MUC7: variants seen among roughly 807,000 people sequenced by gnomAD.
MUC7 encodes the protein mucin-7.
A neutral mutation model predicts 2.5 loss-of-function variants in MUC7; 2 were observed. The observed-to-expected ratio is 0.81, with a 90% confidence interval of 0.33 to 2.55. The LOEUF (loss-of-function observed/expected upper bound fraction) is 2.55. Among genes scored for constraint, MUC7 ranks in the 30% most tolerant of loss-of-function variants. The probability of loss-of-function intolerance (pLI) is 0.11; values close to 1 mark genes in which losing one functional copy is unlikely to be tolerated. For missense variants in MUC7, 408 were observed against 455.6 expected (o/e 0.90, Z 0.95); for synonymous variants, 133 against 173.4 (o/e 0.77, Z 1.83).
chr4:70,434,050 C>G (rs919969323), intron 1 of MUC7, among the ~76,000 whole-genome samples: 1 of 151,960 alleles, frequency 6.6e-6, no homozygotes, highest in African/African-American at 2.4e-5. Flanking sequence ...TTGAACCAGC[C>G]TTGCATCACA....
upstream of MUC7, among the ~76,000 whole-genome samples, chr4:70,468,003 C>T (rs1475250493): frequency 6.6e-6 from 1 of 152,062 alleles, no homozygotes; most frequent in Non-Finnish European, 1.5e-5. Flanking sequence ...ATGCAAAAAT[C>T]CTCAATAAAA....
At chr4:70,431,234 CT>C (rs1733655988) in intron 1 of MUC7, among the ~76,000 whole-genome samples, 1 of 150,838 alleles carries the variant, frequency 6.6e-6, no homozygotes, top group Non-Finnish European at 1.5e-5. Context: ...TTACAATAGA[CT>C]TTTTTCTTTG....
At chr4:70,467,833 A>C (rs1734719433), upstream of MUC7, among the ~76,000 whole-genome samples, 1 of 152,222 alleles carries the variant, frequency 6.6e-6, no homozygotes. Flanking sequence ...CCAGAGGTAC[A>C]AAGAGAAGAT....
At chr4:70,475,763 G>A (rs2109743145) in intron 2 of MUC7, among the ~76,000 whole-genome samples, 1 of 152,260 alleles carries the variant, frequency 6.6e-6, no homozygotes, top group Non-Finnish European at 1.5e-5. Context: ...ATCAAGAAGT[G>A]GAATGTACTT....
chr4:70,468,102 A>T (rs956137341), upstream of MUC7, among the ~76,000 whole-genome samples: 2 of 152,238 alleles, frequency 1.3e-5, no homozygotes, highest in African/African-American at 4.8e-5. Context: ...CTGGTTCAAC[A>T]TACGCAAATC....
intron 1 of MUC7, among the ~76,000 whole-genome samples, chr4:70,451,322 G>C (rs1734275525): frequency 6.6e-6 from 1 of 152,232 alleles, no homozygotes; most frequent in South Asian, 2.1e-4. Context: ...GCCAGGGCTA[G>C]GGCAGGTGTG....
intron 1 of MUC7, among the ~76,000 whole-genome samples, chr4:70,459,487 T>G (rs1039529995): frequency 6.6e-6 from 1 of 152,072 alleles, no homozygotes; most frequent in Non-Finnish European, 1.5e-5. Context: ...GCTAAATGAC[T>G]AGTTAATGGG....
chr4:70,451,272 C>T (rs757013154), intron 1 of MUC7, among the ~76,000 whole-genome samples: 14 of 152,184 alleles, frequency 9.2e-5, no homozygotes, highest in Non-Finnish European at 1.8e-4. Context: ...GTTCTCCCTC[C>T]GTTGGTGCCC....
chr4:70,462,529 G>A (rs1227678008), intron 1 of MUC7, among the ~76,000 whole-genome samples: 1 of 152,080 alleles, frequency 6.6e-6, no homozygotes, highest in Non-Finnish European at 1.5e-5. Flanking sequence ...AAAGGAAAAG[G>A]ACTTAGATAC....
chr4:70,474,602 G>A (rs975546769), intron 2 of MUC7, among the ~76,000 whole-genome samples: 1 of 152,108 alleles, frequency 6.6e-6, no homozygotes, highest in African/African-American at 2.4e-5. Flanking sequence ...TAGAGCATAA[G>A]GAAATAATTT....
intron 1 of MUC7, among the ~76,000 whole-genome samples, chr4:70,451,129 A>G (rs1734269834): frequency 6.6e-6 from 1 of 152,204 alleles, no homozygotes; most frequent in South Asian, 2.1e-4. Context: ...TCAGACCACT[A>G]GGACTGGTGA....
chr4:70,451,385 A>G (rs1282444416), intron 1 of MUC7, among the ~76,000 whole-genome samples: 1 of 152,194 alleles, frequency 6.6e-6, no homozygotes, highest in Non-Finnish European at 1.5e-5. Flanking sequence ...TCTTTTAGTG[A>G]TATAAAGATA....
chr4:70,430,739 TA>T (rs936362213), intron 1 of MUC7: 2 of 152,158 alleles, frequency 1.3e-5, no homozygotes, highest in African/African-American at 4.8e-5. Flanking sequence ...GAATCAAGGT[TA>T]TTTTTTTAAG....
At chr4:70,432,367 G>A (rs914819357) in intron 1 of MUC7, among the ~76,000 whole-genome samples, 1 of 152,198 alleles carries the variant, frequency 6.6e-6, no homozygotes. Context: ...CCCACCAACA[G>A]TGTAAAAGTG....
intron 1 of MUC7, among the ~76,000 whole-genome samples, chr4:70,453,708 G>A (rs1332888168): frequency 6.6e-6 from 1 of 152,150 alleles, no homozygotes; most frequent in Non-Finnish European, 1.5e-5. Flanking sequence ...TCTCACCATA[G>A]CCACCACAGC....
chr4:70,437,000 AC>A (rs1236003179), intron 1 of MUC7, among the ~76,000 whole-genome samples: 1 of 152,090 alleles, frequency 6.6e-6, no homozygotes, highest in African/African-American at 2.4e-5. Context: ...TCTACTCCAG[AC>A]CCTGTTTGCT....
chr4:70,432,757 T>C (rs1045375618), intron 1 of MUC7, among the ~76,000 whole-genome samples: 8 of 152,250 alleles, frequency 5.3e-5, no homozygotes, highest in African/African-American at 1.9e-4. Flanking sequence ...TTTGTCAATT[T>C]TGGCTTCTGT....
chr4:70,451,340 C>T (rs924688477), intron 1 of MUC7, among the ~76,000 whole-genome samples: 11 of 152,204 alleles, frequency 7.2e-5, no homozygotes, highest in Non-Finnish European at 8.8e-5. Flanking sequence ...GTGGCACAGA[C>T]AATTCATTAC....
intron 1 of MUC7, among the ~76,000 whole-genome samples, chr4:70,440,964 TGGAA>T (rs1166329651): frequency 6.6e-6 from 1 of 152,088 alleles, no homozygotes; most frequent in Non-Finnish European, 1.5e-5. Context: ...GGGGAGCTCA[TGGAA>T]GTTGGGAGGC....
Sources: gnomAD v4.1 joint callset for allele counts (sites outside exome capture counted in the v4.1 genomes callset) on GRCh38, gnomAD v4.1.1 for gene constraint, MANE v1.5 for transcripts, NCBI Gene and HGNC (gene_info 2026-07-23, HGNC 2026-07-21) for gene names.